B3GALT1: variants seen among roughly 807,000 people sequenced by gnomAD.
B3GALT1 encodes UDP-Gal:betaGlcNAc beta 1,3-galactosyltransferase, polypeptide 1.
A neutral mutation model predicts 23.2 loss-of-function variants in B3GALT1; 10 were observed. The observed-to-expected ratio is 0.43, with a 90% CI of 0.27 to 0.73. B3GALT1 has a LOEUF of 0.73. Among genes scored for constraint, B3GALT1 ranks in the 30% least tolerant of loss-of-function variants. The pLI, the probability that B3GALT1 is intolerant of heterozygous loss-of-function variation, is 0.21. For missense variants in B3GALT1, 299 were observed against 405.4 expected, an observed-to-expected ratio of 0.74 and a Z score of 2.25; for synonymous variants, 156 against 141.5, an observed-to-expected ratio of 1.10 and a Z score of -0.73.
intron 1 of B3GALT1, among the ~76,000 whole-genome samples, chr2:167,478,255 T>A (rs1699514252): frequency 6.6e-6 from 1 of 152,194 alleles, no homozygotes; most frequent in Non-Finnish European, 1.5e-5. Flanking sequence ...TTCCCAATCC[T>A]TTATAATCCT....
intron 1 of B3GALT1, among the ~76,000 whole-genome samples, chr2:167,421,419 A>G (rs1207880489): frequency 3.9e-5 from 6 of 152,204 alleles, no homozygotes; most frequent in Admixed American, 3.3e-4. Context: ...GCAAACACAA[A>G]TGGTTAATAA....
intron 2 of B3GALT1, among the ~76,000 whole-genome samples, chr2:167,597,633 A>C (rs1397278246): frequency 6.6e-6 from 1 of 152,206 alleles, no homozygotes; most frequent in African/African-American, 2.4e-5. Context: ...TCCAGTCTGC[A>C]AAGCCCTCCG....
intron 1 of B3GALT1, among the ~76,000 whole-genome samples, chr2:167,336,708 C>T (rs12618608): frequency 0.016 from 2,501 of 151,976 alleles, 57 homozygotes; most frequent in East Asian, 0.083. Context: ...GTCTATAAAC[C>T]GGAAGATGCA....
At chr2:167,567,820 G>A (rs998438380) in intron 2 of B3GALT1, among the ~76,000 whole-genome samples, 5 of 152,108 alleles carry the variant, frequency 3.3e-5, no homozygotes, top group African/African-American at 9.6e-5. Context: ...GTACAATGAC[G>A]TATATTCACC....
intron 3 of B3GALT1, among the ~76,000 whole-genome samples, chr2:167,747,588 C>T (rs2105282739): frequency 6.6e-6 from 1 of 152,342 alleles, no homozygotes; most frequent in East Asian, 1.9e-4. Flanking sequence ...AGAAACTCAT[C>T]TAATTCACAG....
At chr2:167,662,417 A>G (rs1686076899) in intron 3 of B3GALT1, among the ~76,000 whole-genome samples, 1 of 152,088 alleles carries the variant, frequency 6.6e-6, no homozygotes, top group Non-Finnish European at 1.5e-5. Context: ...CCACACTTGC[A>G]TAGCCTCCCA....
intron 3 of B3GALT1, among the ~76,000 whole-genome samples, chr2:167,788,236 G>A (rs1204023260): frequency 1.5e-5 from 2 of 133,358 alleles, no homozygotes; most frequent in East Asian, 4.8e-4. Flanking sequence ...CCAGGGACCA[G>A]TTTCATGGAA....
At chr2:167,502,647 A>T (rs1699863243) in intron 2 of B3GALT1, among the ~76,000 whole-genome samples, 1 of 152,074 alleles carries the variant, frequency 6.6e-6, no homozygotes, top group Non-Finnish European at 1.5e-5. Context: ...ACCAGATCTC[A>T]TGAGATCTCA....
intron 3 of B3GALT1, among the ~76,000 whole-genome samples, chr2:167,812,314 G>A (rs746612802): frequency 1.6e-4 from 24 of 152,276 alleles, no homozygotes; most frequent in South Asian, 6.2e-4. Context: ...TTGTACATAC[G>A]CCCTGGAATG....
rs142933788 is a variant in B3GALT1 at position 167,683,808 on chromosome 2, T to A, written c.-352+36842T>A. Among the ~76,000 whole-genome samples the A allele has an allele frequency of 4.6e-5, 7 of 152,250 alleles. No homozygotes were observed. The East Asian group carries it at 1.4e-3, about 29-fold the overall frequency. ...CTTCTGAAGTACCTTTTGTGATTCCTTAGGAGGAACTATGTTTCGAAAGAA... is the reference window on the plus strand; with the variant it reads ...CTTCTGAAGTACCTTTTGTGATTCCATAGGAGGAACTATGTTTCGAAAGAA... On this transcript the variant is annotated intron_variant, in intron 3 of 4. Transcript: ENST00000392690.
intron 3 of B3GALT1, among the ~76,000 whole-genome samples, chr2:167,759,018 G>A (rs1687861221): frequency 6.6e-6 from 1 of 152,192 alleles, no homozygotes; most frequent in Non-Finnish European, 1.5e-5. Context: ...GCCAACTGGT[G>A]TTGGGGGCTG....
chr2:167,837,508 A>C (rs1689507642), intron 4 of B3GALT1, among the ~76,000 whole-genome samples: 1 of 151,330 alleles, frequency 6.6e-6, no homozygotes, highest in Non-Finnish European at 1.5e-5. Flanking sequence ...CCAATACAGG[A>C]GCACCCAGAT....
chr2:167,586,941 A>G (rs1684594268), intron 2 of B3GALT1, among the ~76,000 whole-genome samples: 1 of 152,198 alleles, frequency 6.6e-6, no homozygotes, highest in Non-Finnish European at 1.5e-5. Context: ...ATGAAATCAT[A>G]TACTTACTAA....
chr2:167,593,575 TAAAG>T (rs1339305551), intron 2 of B3GALT1, among the ~76,000 whole-genome samples: 1 of 152,208 alleles, frequency 6.6e-6, no homozygotes, highest in African/African-American at 2.4e-5. Context: ...TTCAATTTTT[TAAAG>T]AAAGAATAAT....
chr2:167,438,525 T>C (rs115315883), intron 1 of B3GALT1, among the ~76,000 whole-genome samples: 1 of 152,188 alleles, frequency 6.6e-6, no homozygotes, highest in Non-Finnish European at 1.5e-5. Flanking sequence ...ACCTGGATAT[T>C]TGGTGGAATT....
intron 2 of B3GALT1, among the ~76,000 whole-genome samples, chr2:167,573,635 T>C (rs1377394383): frequency 6.6e-6 from 1 of 151,824 alleles, no homozygotes; most frequent in East Asian, 1.9e-4. Context: ...TAATTATGTA[T>C]GTTTATCTGG....
At chr2:167,328,861 G>A (rs1329831078) in intron 1 of B3GALT1, among the ~76,000 whole-genome samples, 3 of 152,066 alleles carry the variant, frequency 2.0e-5, no homozygotes, top group Non-Finnish European at 4.4e-5. Context: ...CACCCAGGCT[G>A]AAGTGTAGTG....
chr2:167,364,832 T>A (rs1697562322), intron 1 of B3GALT1, among the ~76,000 whole-genome samples: 1 of 152,166 alleles, frequency 6.6e-6, no homozygotes, highest in Non-Finnish European at 1.5e-5. Flanking sequence ...AGTTTGCATA[T>A]CATGTATATT....
At chr2:167,544,076 T>A (rs1315579336) in intron 2 of B3GALT1, among the ~76,000 whole-genome samples, 1 of 152,156 alleles carries the variant, frequency 6.6e-6, no homozygotes, top group Admixed American at 6.5e-5. Context: ...TACTTTCTTA[T>A]TAGGAGGGCA....
Sources: gnomAD v4.1 joint callset for allele counts (sites outside exome capture counted in the v4.1 genomes callset) on GRCh38, gnomAD v4.1.1 for gene constraint, MANE v1.5 for transcripts, NCBI Gene and HGNC (gene_info 2026-07-23, HGNC 2026-07-21) for gene names.